The following RGS17 variants were observed in gnomAD, a reference collection of about 807,000 sequenced individuals.
RGS17 encodes regulator of G-protein signaling 17.
Under a neutral mutation model 25.5 loss-of-function variants are expected in RGS17, and 12 were observed. That is an observed-to-expected ratio of 0.47 (90% confidence interval 0.30 to 0.76). The LOEUF (loss-of-function observed/expected upper bound fraction) is 0.76, where lower values mean the gene tolerates loss of function less well. Ranked by LOEUF, RGS17 falls within the 30% of genes least tolerant of loss-of-function variation. The pLI, the probability that RGS17 is intolerant of heterozygous loss-of-function variation, is 0.07. For missense variants in RGS17, 196 were observed against 242.2 expected (o/e 0.81, Z 1.27); for synonymous variants, 71 against 76.9 (o/e 0.92, Z 0.40).
intron 1 of RGS17, among the ~76,000 whole-genome samples, chr6:153,065,859 T>G (rs1776699507): frequency 6.6e-6 from 1 of 152,014 alleles, no homozygotes; most frequent in Non-Finnish European, 1.5e-5. Context: ...AACCTAATGA[T>G]GCATCTTCAA....
chr6:153,119,229 T>A (rs1777587228), intron 1 of RGS17, among the ~76,000 whole-genome samples: 1 of 152,184 alleles, frequency 6.6e-6, no homozygotes, highest in Non-Finnish European at 1.5e-5. Flanking sequence ...TCTGGTACCA[T>A]CTGGACCTCA....
intron 1 of RGS17, among the ~76,000 whole-genome samples, chr6:153,062,726 A>G (rs919506621): frequency 6.6e-6 from 1 of 152,094 alleles, no homozygotes; most frequent in Admixed American, 6.6e-5. Context: ...GTTCCAAAAT[A>G]GATACCTTCT....
At chr6:153,093,124 T>C (rs888751107) in intron 1 of RGS17, among the ~76,000 whole-genome samples, 2 of 152,242 alleles carry the variant, frequency 1.3e-5, no homozygotes, top group African/African-American at 4.8e-5. Context: ...TTTTTTAAGA[T>C]ATCATACATC....
At chr6:153,038,873 G>A (rs931145985) in intron 2 of RGS17, among the ~76,000 whole-genome samples, 12 of 152,064 alleles carry the variant, frequency 7.9e-5, no homozygotes, top group African/African-American at 2.9e-4. Context: ...CGGAGGGAGG[G>A]GCAGCCCAAA....
chr6:153,107,571 T>A (rs1373696427), intron 1 of RGS17, among the ~76,000 whole-genome samples: 1 of 152,132 alleles, frequency 6.6e-6, no homozygotes, highest in African/African-American at 2.4e-5. Flanking sequence ...AAAATCAACT[T>A]CTTAAAGCCT....
At position 153,059,613 on chromosome 6, in the gene RGS17, G is replaced by T. The variant is rs550452590; in HGVS notation, c.-25-15570C>A. Among the ~76,000 whole-genome samples, 23 of 152,274 alleles carry T rather than the reference G, an allele frequency of 1.5e-4. 1 individual carries two copies. Among genetic ancestry groups the T allele is most frequent in the African/African-American group, 4.8e-4 (20 of 41,570 alleles). ...CACTCAGTAATTGTAAGGAATAAAAGAAACCCTATTTATTGCTAGTTTTTA... is the reference window on the plus strand; with the variant it reads ...CACTCAGTAATTGTAAGGAATAAAATAAACCCTATTTATTGCTAGTTTTTA... On this transcript the variant is annotated intron_variant, in intron 1 of 4. Transcript: ENST00000206262.
intron 4 of RGS17, among the ~76,000 whole-genome samples, chr6:153,020,132 ATATATATT>A (rs1779230440): frequency 1.3e-5 from 1 of 77,908 alleles, no homozygotes. Flanking sequence ...ATATATATAT[ATATATATT>A]TTTTTTTTTT....
intron 1 of RGS17, among the ~76,000 whole-genome samples, chr6:153,129,280 C>A (rs1777749215): frequency 6.6e-6 from 1 of 152,174 alleles, no homozygotes; most frequent in Non-Finnish European, 1.5e-5. Flanking sequence ...TTCATGTTAA[C>A]AGAAGAAATG....
At chr6:153,081,730 CTACAA>C (rs1776984641) in intron 1 of RGS17, among the ~76,000 whole-genome samples, 1 of 151,752 alleles carries the variant, frequency 6.6e-6, no homozygotes, top group Non-Finnish European at 1.5e-5. Context: ...GTTATTAATC[CTACAA>C]TACATGTTAC....
chr6:153,093,964 G>A (rs144412725), intron 1 of RGS17, among the ~76,000 whole-genome samples: 1 of 152,192 alleles, frequency 6.6e-6, no homozygotes, highest in East Asian at 1.9e-4. Context: ...GGGCCCAAAT[G>A]TCACAATGTA....
In RGS17 at chr6:153,006,328, TTG is replaced by T. The variant is rs2129104119; in HGVS notation, c.*5244_*5245del. 1 of 152,708 alleles carries T rather than the reference TTG, an allele frequency of 6.5e-6. No homozygotes were observed. The highest frequency in any genetic ancestry group is 2.1e-4 in the South Asian group (1 of 4,832). 9.5% of individuals were successfully genotyped at this position (152,708 alleles called of 1,614,324 possible). On this transcript the variant is annotated 3_prime_UTR_variant, in exon 5 of 5. Coordinates refer to ENST00000206262, the MANE Select transcript of RGS17 (RefSeq NM_012419.5). ...GATATTATTTCTGTCCTTGGGAATG[TTG>T]TTTTATTTCCTTTGGAAATAAAACT... is the stretch of plus-strand genomic sequence containing the variant.
In RGS17 at chr6:153,054,067, CAT is replaced by C. The variant is rs1235687566; in HGVS notation, c.-25-10026_-25-10025del. 8.8e-4 allele frequency among the ~76,000 whole-genome samples: 35 copies of C among 39,962 alleles called. 7 individuals are homozygous for C. The highest frequency in any genetic ancestry group is 4.8e-3 in the East Asian group (6 of 1,254). The allele number at this position is 39,962 out of a possible 152,430, so 26.2% of individuals were successfully genotyped here. On this transcript the variant is annotated intron_variant, in intron 1 of 4. Transcript: ENST00000206262. The stretch of plus-strand genomic sequence containing the variant: ...TGTATATATGTATATAATATATATA[CAT>C]ATATATATACACACAATATTTTTTA...
At chr6:153,040,650 C>A (rs925997067) in intron 2 of RGS17, among the ~76,000 whole-genome samples, 1 of 151,614 alleles carries the variant, frequency 6.6e-6, no homozygotes, top group Non-Finnish European at 1.5e-5. Context: ...TTTTGTTCTG[C>A]TCCTTTGACC....
intron 1 of RGS17, among the ~76,000 whole-genome samples, chr6:153,111,934 C>T (rs1178704976): frequency 6.6e-6 from 1 of 152,118 alleles, no homozygotes; most frequent in East Asian, 1.9e-4. Flanking sequence ...CGAAGGTCAC[C>T]AACATCAAAG....
intron 1 of RGS17, among the ~76,000 whole-genome samples, chr6:153,067,447 T>C (rs901461930): frequency 1.3e-5 from 2 of 152,006 alleles, no homozygotes; most frequent in Admixed American, 6.5e-5. Flanking sequence ...TTAGAACTGA[T>C]AAATTCAGTA....
At chr6:153,065,331 A>G (rs1227400350) in intron 1 of RGS17, among the ~76,000 whole-genome samples, 1 of 152,222 alleles carries the variant, frequency 6.6e-6, no homozygotes, top group Non-Finnish European at 1.5e-5. Context: ...ATCTAAAGAA[A>G]CAGGCCCCAG....
At chr6:153,075,456 G>A (rs1262467292) in intron 1 of RGS17, among the ~76,000 whole-genome samples, 1 of 152,168 alleles carries the variant, frequency 6.6e-6, no homozygotes, top group East Asian at 1.9e-4. Flanking sequence ...CCTGTCTGAT[G>A]TGGATCTCAC....
intron 1 of RGS17, among the ~76,000 whole-genome samples, chr6:153,073,889 GA>G (rs1776841589): frequency 6.6e-6 from 1 of 152,156 alleles, no homozygotes; most frequent in Non-Finnish European, 1.5e-5. Flanking sequence ...CAGCCAGGAG[GA>G]CTGTCCTGTT....
chr6:153,055,304 T>C (rs896806212), intron 1 of RGS17, among the ~76,000 whole-genome samples: 2 of 152,204 alleles, frequency 1.3e-5, no homozygotes, highest in Admixed American at 6.5e-5. Context: ...CCAATTCTAA[T>C]TTTTTAAGCC....
Sources: allele counts gnomAD v4.1 joint callset (sites outside exome capture counted in the v4.1 genomes callset), GRCh38; gene constraint gnomAD v4.1.1; transcripts MANE v1.5; gene names NCBI Gene and HGNC (gene_info 2026-07-23, HGNC 2026-07-21).